The following DYNC2H1 variants were observed in gnomAD, a reference collection of about 807,000 sequenced individuals.
DYNC2H1 encodes the protein cytoplasmic dynein 2 heavy chain 1.
In DYNC2H1, 410 loss-of-function variants were observed where a neutral mutation model predicts 570.0. That is an observed-to-expected ratio of 0.72 (90% CI 0.66 to 0.78). The LOEUF (loss-of-function observed/expected upper bound fraction) is 0.78, where lower values mean the gene tolerates loss of function less well. DYNC2H1 is among the 30% of genes least tolerant of loss of function. The pLI is 0.00. For missense variants in DYNC2H1, 4,865 were observed against 5,046.4 expected (o/e 0.96, Z 1.09); for synonymous variants, 1,688 against 1,677.6 (o/e 1.01, Z -0.15).
At chr11:103,123,111 T>C (rs1450272784) in intron 11 of DYNC2H1, 111 bp downstream of exon 11, 22 of 905,374 alleles carry the variant, frequency 2.4e-5, no homozygotes, top group Non-Finnish European at 2.6e-5. Flanking sequence ...ACTCCTCCTG[T>C]AATTTTTTTT....
At chr11:103,198,265 T>C (rs1166320480) in intron 48 of DYNC2H1, among the ~76,000 whole-genome samples, 2 of 152,338 alleles carry the variant, frequency 1.3e-5, no homozygotes, top group African/African-American at 4.8e-5. Context: ...ATTGCTAAGA[T>C]ACATTTTGGG....
intron 24 of DYNC2H1, 136 bp downstream of exon 24, chr11:103,154,945 C>A: frequency 1.5e-6 from 1 of 665,012 alleles, no homozygotes; most frequent in Non-Finnish European, 2.3e-6. Flanking sequence ...ATAGGAAATA[C>A]AGAGTAAACC....
intron 63 of DYNC2H1, among the ~76,000 whole-genome samples, chr11:103,238,394 C>T (rs1864302157): frequency 6.6e-6 from 1 of 152,058 alleles, no homozygotes; most frequent in African/African-American, 2.4e-5. Flanking sequence ...CATGGTGACA[C>T]CCTGTCTCTA....
chr11:103,242,629 A>C (rs1223614893), intron 63 of DYNC2H1, among the ~76,000 whole-genome samples: 2 of 152,174 alleles, frequency 1.3e-5, no homozygotes, highest in African/African-American at 2.4e-5. Flanking sequence ...ATGACTTTTA[A>C]ATTTATCATA....
chr11:103,384,339 TTTTTGCTA>T (rs1311190470), intron 83 of DYNC2H1, among the ~76,000 whole-genome samples: 1 of 152,256 alleles, frequency 6.6e-6, no homozygotes, highest in Non-Finnish European at 1.5e-5. Flanking sequence ...TTTTGGTTAT[TTTTTGCTA>T]GATATATCCT....
intron 12 of DYNC2H1, 71 bp downstream of exon 12, chr11:103,125,366 CTTTT>C (rs71465387): frequency 5.1e-3 from 2,827 of 549,964 alleles, no homozygotes; most frequent in Middle Eastern, 6.7e-3. Flanking sequence ...ATGCTAAAGG[CTTTT>C]TTTTTTTTTT....
chr11:103,117,315 C>T (rs1858459973), intron 5 of DYNC2H1, among the ~76,000 whole-genome samples: 1 of 147,754 alleles, frequency 6.8e-6, no homozygotes, highest in Non-Finnish European at 1.5e-5. Context: ...TTCTAGGGTA[C>T]ATGTGCACAA....
Position 103,311,865 on chromosome 11 carries a change from A to T in DYNC2H1, c.11494-13A>T, listed in dbSNP as rs1867603139. On this transcript the variant is annotated splice_polypyrimidine_tract_variant and intron_variant, in intron 78 of 88. Transcript: ENST00000375735. ...GATTTTAGCAATAGGATGTCTGTTG[A>T]TTTTTTTTCTAGTCACCTCCAGGTT... The T allele has an allele frequency of 1.3e-6, 2 of 1,596,872 alleles. No individual in the cohort carries two copies.
chr11:103,133,644 T>C lies in DYNC2H1; in HGVS notation c.2043T>C (p.Ala681=). Residue 681 remains alanine, a synonymous_variant, in exon 14 of 89, where the codon GCT becomes GCC. Coordinates refer to ENST00000375735, the MANE Select transcript of DYNC2H1 (RefSeq NM_001377.3). This position sits in a 1 kb window ranked among gnomAD's most constrained non-coding sequence, Gnocchi z 4.8. Reference sequence around the variant, plus strand: ...GCTATATCCAAAAACTCCAAAATGCTGCTGAACGGCTTGCCACTGAAAATA... The same window carrying C: ...GCTATATCCAAAAACTCCAAAATGCCGCTGAACGGCTTGCCACTGAAAATA... ...LEGYIQKLQN[A]AERLATENRK... The C allele has an allele frequency of 6.2e-7, 1 of 1,613,454 alleles. No individual in the cohort carries two copies. Among genetic ancestry groups the C allele is most frequent in the Non-Finnish European group, 8.5e-7 (1 of 1,179,714 alleles).
intron 13 of DYNC2H1, among the ~76,000 whole-genome samples, chr11:103,131,509 T>C (rs551104961): frequency 2.6e-5 from 4 of 151,366 alleles, no homozygotes; most frequent in Admixed American, 1.3e-4. Context: ...CAGGATGGTC[T>C]CCCCAGTATT....
At chr11:103,355,530 C>T (rs1316972916) in intron 82 of DYNC2H1, among the ~76,000 whole-genome samples, 1 of 152,040 alleles carries the variant, frequency 6.6e-6, no homozygotes. Context: ...ATTTGGGGTG[C>T]TTCATGATAT....
chr11:103,194,691 C>T (rs1469546743), intron 47 of DYNC2H1, among the ~76,000 whole-genome samples: 1 of 151,874 alleles, frequency 6.6e-6, no homozygotes, highest in African/African-American at 2.4e-5. Flanking sequence ...GGAATGTCTT[C>T]ATTTCTTTTA....
rs1267711933 is a variant in DYNC2H1, at chr11:103,188,535, A to G, written c.7179A>G (p.Glu2393=). 6.2e-7 allele frequency: 1 copy of G among 1,608,072 alleles called. No individual in the cohort carries two copies. The highest frequency in any genetic ancestry group is 8.5e-7 in the Non-Finnish European group (1 of 1,176,346). The change falls in exon 44 of 89, where the codon GAA becomes GAG. Residue 2393 remains glutamate (E), a synonymous_variant. Coordinates refer to ENST00000375735, the MANE Select transcript of DYNC2H1 (RefSeq NM_001377.3). ...AAGGATTTTATGATGAAAATTTGGAATGGGTTGGTCTAGAAAATATTCAAA... is the reference window on the plus strand; with the variant it reads ...AAGGATTTTATGATGAAAATTTGGAGTGGGTTGGTCTAGAAAATATTCAAA... ...TYQGFYDENL[E]WVGLENIQIV...
At chr11:103,455,038 T>C in intron 85 of DYNC2H1, 148 bp from the exon 86 acceptor site, 1 of 536,106 alleles carries the variant, frequency 1.9e-6, no homozygotes, top group Admixed American at 3.4e-5. Flanking sequence ...GACTTTACAA[T>C]GTAAAATGGA....
intron 81 of DYNC2H1, among the ~76,000 whole-genome samples, chr11:103,323,469 T>C (rs1044636814): frequency 8.5e-6 from 1 of 117,648 alleles, no homozygotes; most frequent in Non-Finnish European, 2.0e-5. Context: ...CCTGAATATA[T>C]AAATATATAT....
At chr11:103,290,224 C>T (rs1039601556) in intron 75 of DYNC2H1, among the ~76,000 whole-genome samples, 1 of 152,042 alleles carries the variant, frequency 6.6e-6, no homozygotes, top group Non-Finnish European at 1.5e-5. Flanking sequence ...ACCCATAACA[C>T]CTACCAACCA....
chr11:103,204,818 T>G lies in DYNC2H1; in HGVS notation c.8312-4T>G. ...TTGTATTATTATTCTTATATATTTC[T>G]TAGGAATTCAGCAAAACTTGCATAT... On this transcript the variant is annotated splice_polypyrimidine_tract_variant and splice_region_variant and intron_variant, in intron 51 of 88. Transcript: ENST00000375735. The surrounding 1 kb of genome is among the most constrained non-coding windows in gnomAD (Gnocchi z 4.1). 1 of 1,578,398 alleles carries G rather than the reference T, an allele frequency of 6.3e-7. No homozygotes were observed. The highest frequency in any genetic ancestry group is 8.6e-7 in the Non-Finnish European group (1 of 1,160,408).
chr11:103,338,550 T>G (rs1939277092), intron 82 of DYNC2H1, among the ~76,000 whole-genome samples: 1 of 152,236 alleles, frequency 6.6e-6, no homozygotes, highest in African/African-American at 2.4e-5. Context: ...TGTATGTTCA[T>G]ATAGCCTCTT....
In DYNC2H1 at chr11:103,326,128, A is replaced by G. The variant is rs944014422; in HGVS notation, c.12039+2138A>G. Among the ~76,000 whole-genome samples the G allele has an allele frequency of 1.3e-5, 2 of 152,150 alleles. No homozygotes were observed. The highest frequency in any genetic ancestry group is 4.8e-5 in the African/African-American group (2 of 41,428). On this transcript the variant is annotated intron_variant, in intron 82 of 88. Coordinates refer to ENST00000375735, the MANE Select transcript of DYNC2H1 (RefSeq NM_001377.3). The surrounding 1 kb of genome is among the most constrained non-coding windows in gnomAD (Gnocchi z 6.1). ...TGTTTAGTGTTGTAGTTTGGGCTTC[A>G]GTCCAATAGATGGCGCTTAGGAGTA...
Sources: gnomAD v4.1 joint callset for allele counts (sites outside exome capture counted in the v4.1 genomes callset) on GRCh38, gnomAD v4.1.1 for gene constraint, Gnocchi (gnomAD v3.1) non-coding constraint, MANE v1.5 for transcripts, NCBI Gene and HGNC (gene_info 2026-07-23, HGNC 2026-07-21) for gene names.